The following JMJD1C variants were observed in gnomAD, a reference collection of about 807,000 sequenced individuals.
JMJD1C encodes the protein jumonji domain-containing protein 1C.
In JMJD1C, 31 loss-of-function variants were observed where a neutral mutation model predicts 245.3. The ratio of observed to expected loss-of-function variants is 0.13; its 90% CI spans 0.09 to 0.17. The LOEUF is 0.17. Ranked by LOEUF, JMJD1C falls within the 10% of genes least tolerant of loss-of-function variation. JMJD1C has a pLI of 1.00. For missense variants in JMJD1C, 2,691 were observed against 3,000.2 expected (o/e 0.90, Z 2.41); for synonymous variants, 1,057 against 1,017.4 (o/e 1.04, Z -0.74).
At chr10:63,411,622 AGG>A in intron 1 of JMJD1C, among the ~76,000 whole-genome samples, 1 of 66,542 alleles carries the variant, frequency 1.5e-5, no homozygotes, top group South Asian at 4.5e-4. Context: ...TTTTTTTTTG[AGG>A]CGGAGTGTTA....
At chr10:63,316,424 G>A (rs377084628) in intron 2 of JMJD1C, among the ~76,000 whole-genome samples, 80 of 152,162 alleles carry the variant, frequency 5.3e-4, no homozygotes, top group African/African-American at 1.9e-3. Context: ...TACTTCTCTT[G>A]CTTGTAATTT....
rs148788295 is a variant in JMJD1C, at chr10:63,317,141, A to T, written c.334-52377T>A. Among the ~76,000 whole-genome samples the T allele has an allele frequency of 9.2e-3, 1,406 of 152,040 alleles. 19 individuals are homozygous for T. Among genetic ancestry groups the T allele is most frequent in the African/African-American group, 0.031 (1,298 of 41,512 alleles). ...TCCCAAAAGTGCTGGGATTACAGGC[A>T]TGAGACACCATGCCCAGTCAGCATT... is the stretch of plus-strand genomic sequence containing the variant. On this transcript the variant is annotated intron_variant, in intron 2 of 25. Transcript: ENST00000399262.
chr10:63,359,570 T>A (rs1475620069), intron 2 of JMJD1C, among the ~76,000 whole-genome samples: 4 of 152,222 alleles, frequency 2.6e-5, no homozygotes. Flanking sequence ...ACATAAAAAA[T>A]TGAATTTTAA....
At chr10:63,420,716 A>G (rs1211001710) in intron 1 of JMJD1C, among the ~76,000 whole-genome samples, 2 of 146,276 alleles carry the variant, frequency 1.4e-5, no homozygotes, top group Non-Finnish European at 3.1e-5. Context: ...CCCAGTCTCA[A>G]AAAAAAAAAA....
chr10:63,340,739 G>A (rs1248397931), intron 2 of JMJD1C, among the ~76,000 whole-genome samples: 1 of 152,166 alleles, frequency 6.6e-6, no homozygotes, highest in Non-Finnish European at 1.5e-5. Flanking sequence ...GAGGTCAGGA[G>A]TTTGAGACTA....
At chr10:63,383,302 T>C (rs1431986331) in intron 1 of JMJD1C, among the ~76,000 whole-genome samples, 1 of 151,208 alleles carries the variant, frequency 6.6e-6, no homozygotes, top group Non-Finnish European at 1.5e-5. Flanking sequence ...GAAAGAGAAA[T>C]GCACTGGTCA....
chr10:63,216,295 A>T (rs1241686423), intron 5 of JMJD1C, among the ~76,000 whole-genome samples: 1 of 152,214 alleles, frequency 6.6e-6, no homozygotes, highest in East Asian at 1.9e-4. Context: ...TCCACAATAC[A>T]ATCAGGCAGG....
intron 3 of JMJD1C, among the ~76,000 whole-genome samples, chr10:63,230,294 C>G (rs369898127): frequency 5.3e-5 from 8 of 152,044 alleles, no homozygotes; most frequent in African/African-American, 1.7e-4. Flanking sequence ...ATCCGTTGAA[C>G]CTGGGAGGCA....
intron 3 of JMJD1C, among the ~76,000 whole-genome samples, chr10:63,263,697 C>T (rs1321209933): frequency 6.6e-6 from 1 of 151,950 alleles, no homozygotes; most frequent in African/African-American, 2.4e-5. Context: ...TTTGGGAGGC[C>T]GAGGCGGGCA....
intron 18 of JMJD1C, 80 bp from the exon 19 acceptor site, chr10:63,186,463 G>C (rs1844138472): frequency 3.3e-6 from 4 of 1,210,574 alleles, no homozygotes; most frequent in Non-Finnish European, 4.5e-6. Flanking sequence ...GTTTGAGACA[G>C]AGTCTTGCTC....
At chr10:63,365,066 G>T (rs1443480051) in intron 2 of JMJD1C, among the ~76,000 whole-genome samples, 4 of 152,158 alleles carry the variant, frequency 2.6e-5, no homozygotes, top group Admixed American at 1.3e-4. Flanking sequence ...ATGCCAGCTT[G>T]GCACAAGACC....
At chr10:63,391,149 G>C (rs1007824663) in intron 1 of JMJD1C, among the ~76,000 whole-genome samples, 1 of 152,034 alleles carries the variant, frequency 6.6e-6, no homozygotes, top group Admixed American at 6.6e-5. Flanking sequence ...AAAGTTGCAA[G>C]ATAAAAAAAT....
intron 1 of JMJD1C, among the ~76,000 whole-genome samples, chr10:63,514,633 G>C (rs532363306): frequency 6.6e-6 from 1 of 152,174 alleles, no homozygotes; most frequent in South Asian, 2.1e-4. Flanking sequence ...ACTAGAGGAG[G>C]GAGGGAGGGG....
chr10:63,333,182 A>T (rs1942345118), intron 2 of JMJD1C, among the ~76,000 whole-genome samples: 2 of 152,206 alleles, frequency 1.3e-5, no homozygotes, highest in African/African-American at 4.8e-5. Context: ...TTTAAAAGGC[A>T]TGATACAAAA....
chr10:63,420,507 C>T (rs1171106421), intron 1 of JMJD1C, among the ~76,000 whole-genome samples: 1 of 151,622 alleles, frequency 6.6e-6, no homozygotes, highest in African/African-American at 2.4e-5. Context: ...TAGTTCAAGA[C>T]CAGCCTGGAC....
intron 2 of JMJD1C, among the ~76,000 whole-genome samples, chr10:63,335,209 G>A (rs1414299315): frequency 2.6e-5 from 4 of 152,042 alleles, no homozygotes; most frequent in Non-Finnish European, 5.9e-5. Context: ...ACAGCAGTCT[G>A]TCAAAGTGCC....
At chr10:63,505,128 C>A (rs1171877565) in intron 1 of JMJD1C, among the ~76,000 whole-genome samples, 4 of 151,940 alleles carry the variant, frequency 2.6e-5, no homozygotes, top group Non-Finnish European at 2.9e-5. Flanking sequence ...CTGGCTAACA[C>A]GGTGAAACCC....
intron 1 of JMJD1C, among the ~76,000 whole-genome samples, chr10:63,506,343 T>C (rs576501423): frequency 2.0e-5 from 3 of 152,294 alleles, no homozygotes; most frequent in African/African-American, 7.2e-5. Context: ...AAAAGGAACT[T>C]GTAAAAAATA....
intron 2 of JMJD1C, among the ~76,000 whole-genome samples, chr10:63,376,403 C>G (rs1946746965): frequency 6.6e-6 from 1 of 151,924 alleles, no homozygotes; most frequent in African/African-American, 2.4e-5. Context: ...GCATAAGCAA[C>G]AAGCGGAAAC....
Sources: allele counts gnomAD v4.1 joint callset (sites outside exome capture counted in the v4.1 genomes callset), GRCh38; gene constraint gnomAD v4.1.1; transcripts MANE v1.5; gene names NCBI Gene and HGNC (gene_info 2026-07-23, HGNC 2026-07-21).